Variants in ZFYVE28 observed in about 807,000 individuals in gnomAD.
ZFYVE28 encodes zinc finger FYVE-type containing 28, also known as lateral signaling target protein 2 homolog.
A neutral mutation model predicts 82.1 loss-of-function variants in ZFYVE28; 40 were observed. The observed-to-expected ratio is 0.49, with a 90% CI of 0.38 to 0.63. The LOEUF is 0.63. ZFYVE28 is among the 30% of genes least tolerant of loss of function. ZFYVE28 has a pLI of 0.00. For missense variants in ZFYVE28, 1,321 were observed against 1,242.1 expected, an observed-to-expected ratio of 1.06 and a Z score of -0.96; for synonymous variants, 612 against 546.1, an observed-to-expected ratio of 1.12 and a Z score of -1.68.
intron 8 of ZFYVE28, among the ~76,000 whole-genome samples, chr4:2,301,655 G>T (rs1715543965): frequency 6.7e-3 from 1 of 150 alleles, no homozygotes; most frequent in Non-Finnish European, 0.012. Context: ...CTGTCACCTG[G>T]ACAACCCCCC....
At chr4:2,378,980 G>A (rs1365819813) in intron 1 of ZFYVE28, among the ~76,000 whole-genome samples, 1 of 152,208 alleles carries the variant, frequency 6.6e-6, no homozygotes, top group African/African-American at 2.4e-5. Context: ...TCCTCTATGG[G>A]GTACATCTGC....
chr4:2,381,367 A>G (rs1728714943), intron 1 of ZFYVE28, among the ~76,000 whole-genome samples: 1 of 152,212 alleles, frequency 6.6e-6, no homozygotes, highest in South Asian at 2.1e-4. Context: ...AAGGGAAGCC[A>G]AGCATAAAAA....
At chr4:2,271,178 C>T (rs1186248616) in intron 12 of ZFYVE28, 133 bp downstream of exon 12, 11 of 932,532 alleles carry the variant, frequency 1.2e-5, no homozygotes, top group South Asian at 3.2e-5. Context: ...CCGGGACCTC[C>T]AGGGGCCTCT....
intron 8 of ZFYVE28, among the ~76,000 whole-genome samples, chr4:2,296,435 C>T (rs568471762): frequency 7.9e-5 from 12 of 152,330 alleles, no homozygotes; most frequent in South Asian, 2.1e-4. Flanking sequence ...CAGGAGGCCC[C>T]GTCACTTATA....
chr4:2,279,713 G>A (rs1164522077), intron 8 of ZFYVE28, among the ~76,000 whole-genome samples: 8 of 151,438 alleles, frequency 5.3e-5, no homozygotes, highest in Non-Finnish European at 1.0e-4. Flanking sequence ...CCCGGGAGGC[G>A]GAGCTTGCAG....
chr4:2,374,256 G>A (rs113306746), intron 1 of ZFYVE28, among the ~76,000 whole-genome samples: 8 of 152,114 alleles, frequency 5.3e-5, no homozygotes, highest in Non-Finnish European at 8.8e-5. Flanking sequence ...AAATAATAAC[G>A]TGTTTTCAAC....
chr4:2,325,623 A>T (rs1474744597), intron 6 of ZFYVE28, among the ~76,000 whole-genome samples: 1 of 131,670 alleles, frequency 7.6e-6, no homozygotes, highest in African/African-American at 2.9e-5. Context: ...CTTTTAAGAG[A>T]CAGAGTCTCT....
chr4:2,327,952 T>C (rs921820065), intron 6 of ZFYVE28, among the ~76,000 whole-genome samples: 1 of 152,168 alleles, frequency 6.6e-6, no homozygotes, highest in Non-Finnish European at 1.5e-5. Flanking sequence ...TTGCACACCA[T>C]TGGTAGGAAT....
chr4:2,277,147 A>T (rs1736539061), intron 8 of ZFYVE28, among the ~76,000 whole-genome samples: 2 of 152,166 alleles, frequency 1.3e-5, no homozygotes, highest in Non-Finnish European at 2.9e-5. Flanking sequence ...AGAAAGGTGA[A>T]TTTTGTGGTA....
chr4:2,385,530 G>A (rs113388078), intron 1 of ZFYVE28, among the ~76,000 whole-genome samples: 5 of 152,326 alleles, frequency 3.3e-5, no homozygotes, highest in African/African-American at 4.8e-5. Flanking sequence ...GCAGCAAAGC[G>A]CCCCTTTGTT....
At chr4:2,278,219 C>CTTT (rs58136968) in intron 8 of ZFYVE28, among the ~76,000 whole-genome samples, 8 of 136,934 alleles carry the variant, frequency 5.8e-5, no homozygotes, top group African/African-American at 8.3e-5. Flanking sequence ...AAGATTCTCT[C>CTTT]TTTTTTTTTT....
chr4:2,409,197 T>G lies in ZFYVE28; in HGVS notation c.39+9088A>C, dbSNP rs144011308. Among the ~76,000 whole-genome samples the G allele has an allele frequency of 6.7e-6, 1 of 148,730 alleles. No homozygotes were observed. Among genetic ancestry groups the G allele is most frequent in the Non-Finnish European group, 1.5e-5 (1 of 67,228 alleles). ...ACCCTCCACCTCGCAGCTCCTCTCC[T>G]GAGCTCCCCATCCCCAAACAGCACC... On this transcript the variant is annotated intron_variant, in intron 1 of 12. Transcript: ENST00000290974. The surrounding 1 kb of genome is among the most constrained non-coding windows in gnomAD (Gnocchi z 4.4).
At chr4:2,410,694 A>G (rs1732435643) in intron 1 of ZFYVE28, among the ~76,000 whole-genome samples, 1 of 151,782 alleles carries the variant, frequency 6.6e-6, no homozygotes, top group Non-Finnish European at 1.5e-5. Flanking sequence ...ACGGGGTTTC[A>G]CCGTGTTAGC....
intron 10 of ZFYVE28, among the ~76,000 whole-genome samples, chr4:2,272,764 C>T (rs986854234): frequency 6.6e-6 from 1 of 152,338 alleles, no homozygotes; most frequent in African/African-American, 2.4e-5. Flanking sequence ...CGTGGCACCA[C>T]GGCCGAGTCT....
intron 8 of ZFYVE28, among the ~76,000 whole-genome samples, chr4:2,301,850 G>T (rs1419006695): frequency 1.3e-5 from 2 of 152,218 alleles, no homozygotes; most frequent in African/African-American, 2.4e-5. Flanking sequence ...TCACACGGCC[G>T]TGAAGCTCAT....
chr4:2,365,958 G>T (rs1020245991), intron 1 of ZFYVE28, among the ~76,000 whole-genome samples: 4 of 152,204 alleles, frequency 2.6e-5, no homozygotes, highest in Admixed American at 2.6e-4. Flanking sequence ...GCCCCCTAAG[G>T]GCAAGGTGAA....
chr4:2,329,228 T>C (rs1490990408), intron 6 of ZFYVE28: 7 of 557,988 alleles, frequency 1.3e-5, no homozygotes, highest in Non-Finnish European at 2.3e-5. Flanking sequence ...ATTCTAACTA[T>C]ATTAAGTCTT....
chr4:2,379,008 C>T (rs1728451605), intron 1 of ZFYVE28, among the ~76,000 whole-genome samples: 1 of 152,178 alleles, frequency 6.6e-6, no homozygotes, highest in African/African-American at 2.4e-5. Context: ...TGTTTCTGGG[C>T]TCCAGGCATC....
chr4:2,302,900 G>A (rs1180603932), intron 8 of ZFYVE28, among the ~76,000 whole-genome samples: 2 of 152,220 alleles, frequency 1.3e-5, no homozygotes, highest in Non-Finnish European at 2.9e-5. Context: ...TTAACCCATC[G>A]TATCCTAAGT....
Sources: allele counts gnomAD v4.1 joint callset (sites outside exome capture counted in the v4.1 genomes callset), GRCh38; gene constraint gnomAD v4.1.1; non-coding constraint Gnocchi (gnomAD v3.1); transcripts MANE v1.5; gene names NCBI Gene and HGNC (gene_info 2026-07-23, HGNC 2026-07-21).